The following MAP3K5 variants were observed in gnomAD, a reference collection of about 807,000 sequenced individuals.
MAP3K5 encodes mitogen-activated protein kinase kinase kinase 5.
A neutral mutation model predicts 158.7 loss-of-function variants in MAP3K5; 56 were observed. That is an observed-to-expected ratio of 0.35 (90% CI 0.28 to 0.44). The LOEUF (loss-of-function observed/expected upper bound fraction) is 0.44, where lower values mean the gene tolerates loss of function less well. Ranked by LOEUF, MAP3K5 falls within the 20% of genes least tolerant of loss-of-function variation. The probability of loss-of-function intolerance (pLI) is 1.00; values close to 1 mark genes in which losing one functional copy is unlikely to be tolerated. For missense variants in MAP3K5, 1,294 were observed against 1,674.8 expected (o/e 0.77, Z 3.97); for synonymous variants, 579 against 601.7 (o/e 0.96, Z 0.55).
At chr6:136,752,825 G>A (rs569103196) in intron 1 of MAP3K5, among the ~76,000 whole-genome samples, 1 of 152,282 alleles carries the variant, frequency 6.6e-6, no homozygotes, top group Admixed American at 6.5e-5. Context: ...CAGCGTGGCT[G>A]GGACAATGGC....
intron 7 of MAP3K5, among the ~76,000 whole-genome samples, chr6:136,676,015 T>A (rs938263250): frequency 3.9e-5 from 6 of 152,042 alleles, no homozygotes; most frequent in Admixed American, 3.9e-4. Flanking sequence ...AATGAAAAAA[T>A]TTCTTAAAAT....
At chr6:136,580,786 A>G (rs1774836004) in intron 24 of MAP3K5, among the ~76,000 whole-genome samples, 1 of 152,012 alleles carries the variant, frequency 6.6e-6, no homozygotes, top group Non-Finnish European at 1.5e-5. Context: ...ACTGTTCATT[A>G]TTTTCAATTA....
intron 7 of MAP3K5, among the ~76,000 whole-genome samples, chr6:136,686,405 A>G (rs537391182): frequency 6.6e-6 from 1 of 152,328 alleles, no homozygotes; most frequent in South Asian, 2.1e-4. Flanking sequence ...TCAACATAGT[A>G]TTGGAAGTTA....
intron 1 of MAP3K5, among the ~76,000 whole-genome samples, chr6:136,788,147 C>T (rs1267205346): frequency 1.3e-5 from 2 of 152,200 alleles, no homozygotes; most frequent in Non-Finnish European, 2.9e-5. Context: ...ACACACCTAA[C>T]ACCATCTGAT....
intron 2 of MAP3K5, among the ~76,000 whole-genome samples, chr6:136,719,443 CTT>C (rs983071815): frequency 3.3e-5 from 5 of 152,136 alleles, no homozygotes; most frequent in Admixed American, 3.3e-4. Flanking sequence ...GGGCAAATCT[CTT>C]AGAACTGTTT....
intron 7 of MAP3K5, among the ~76,000 whole-genome samples, chr6:136,675,617 T>C (rs1779672544): frequency 6.6e-6 from 1 of 152,122 alleles, no homozygotes; most frequent in South Asian, 2.1e-4. Context: ...GAAAGTCTAA[T>C]AGATAAAATG....
intron 25 of MAP3K5, 77 bp from the exon 26 acceptor site, chr6:136,567,951 C>T (rs1774193002): frequency 1.4e-6 from 2 of 1,439,710 alleles, no homozygotes; most frequent in African/African-American, 1.4e-5. Context: ...TGAATGCTAC[C>T]CTCCTGCCCC....
chr6:136,669,533 T>C, intron 7 of MAP3K5, 138 bp from the exon 8 acceptor site: 2 of 604,114 alleles, frequency 3.3e-6, no homozygotes, highest in Non-Finnish European at 2.9e-6. Context: ...TCTGGTGTGC[T>C]ATTAGGACTT....
At chr6:136,658,884 G>A (rs997879445) in intron 9 of MAP3K5, among the ~76,000 whole-genome samples, 1 of 152,236 alleles carries the variant, frequency 6.6e-6, no homozygotes, top group African/African-American at 2.4e-5. Context: ...CAGCTGCAAT[G>A]GAAATGTGGT....
At chr6:136,584,029 T>C (rs1314687158) in intron 23 of MAP3K5, among the ~76,000 whole-genome samples, 3 of 152,104 alleles carry the variant, frequency 2.0e-5, no homozygotes, top group African/African-American at 2.4e-5. Flanking sequence ...TTGAACTATA[T>C]GGCACCTCTT....
chr6:136,575,042 A>C (rs900813748), intron 25 of MAP3K5, among the ~76,000 whole-genome samples: 1 of 152,078 alleles, frequency 6.6e-6, no homozygotes, highest in African/African-American at 2.4e-5. Flanking sequence ...ATAACAGAGA[A>C]GTTGCAAAAA....
At chr6:136,734,550 G>C (rs1782373006) in intron 1 of MAP3K5, among the ~76,000 whole-genome samples, 1 of 151,478 alleles carries the variant, frequency 6.6e-6, no homozygotes, top group Non-Finnish European at 1.5e-5. Flanking sequence ...TGCTGGGTTT[G>C]AGTCTATATG....
intron 14 of MAP3K5, among the ~76,000 whole-genome samples, chr6:136,624,245 A>C (rs1482782202): frequency 2.6e-5 from 4 of 152,206 alleles, no homozygotes; most frequent in Admixed American, 2.6e-4. Context: ...CTTAACGTTA[A>C]TACTGATGAG....
intron 19 of MAP3K5, among the ~76,000 whole-genome samples, chr6:136,603,640 C>T (rs778958008): frequency 6.6e-6 from 1 of 152,160 alleles, no homozygotes; most frequent in African/African-American, 2.4e-5. Flanking sequence ...TCTAAGATAG[C>T]AACTTCCTGT....
chr6:136,574,981 G>A (rs939708508), intron 25 of MAP3K5, among the ~76,000 whole-genome samples: 2 of 151,530 alleles, frequency 1.3e-5, no homozygotes, highest in African/African-American at 2.4e-5. Context: ...GAGCCACCGC[G>A]CCCGGCCTAA....
At chr6:136,600,992 G>T (rs771494522) in intron 21 of MAP3K5, 30 bp downstream of exon 21, 4 of 1,612,866 alleles carry the variant, frequency 2.5e-6, no homozygotes, top group Non-Finnish European at 2.5e-6. Flanking sequence ...CCAGGTCTCA[G>T]CTCAATGGGC....
At position 136,564,640 on chromosome 6, in the gene MAP3K5, G is replaced by C. The variant is rs79286067; in HGVS notation, c.3762-2025C>G. Among the ~76,000 whole-genome samples the C allele has an allele frequency of 4.8e-3, 730 of 152,314 alleles. 5 individuals carry two copies. Among genetic ancestry groups the C allele is most frequent in the East Asian group, 0.041 (211 of 5,182 alleles). ...TTACTGTTTTCTCAAGGAACACAGT[G>C]ATGTTTTCTAGAGTTTAACCTATGT... On this transcript the variant is annotated intron_variant, in intron 26 of 29. Coordinates refer to ENST00000359015, the MANE Select transcript of MAP3K5 (RefSeq NM_005923.4).
Position 136,562,496 on chromosome 6 carries a change from T to A in MAP3K5, c.3874+7A>T. ...ACAGTATTACTATAAAACTTTCTGC[T>A]ATTCACCTATGGGTTGGGACTTAAG... On this transcript the variant is annotated splice_region_variant and intron_variant, in intron 27 of 29. Transcript: ENST00000359015. 1 of 1,473,708 alleles carries A rather than the reference T, an allele frequency of 6.8e-7. No homozygotes were observed. The highest frequency in any genetic ancestry group is 9.3e-7 in the Non-Finnish European group (1 of 1,079,400). The allele number at this position is 1,473,708 out of a possible 1,614,324, so 91.3% of individuals were successfully genotyped here. A position where few individuals can be genotyped will look rare whatever the true frequency, so the allele number is the denominator to read the frequency against.
chr6:136,601,878 G>A lies in MAP3K5; in HGVS notation c.2781C>T (p.Ala927=). 6.2e-7 allele frequency: 1 copy of A among 1,614,142 alleles called. No homozygotes were observed. The highest frequency in any genetic ancestry group is 8.5e-7 in the Non-Finnish European group (1 of 1,180,018). Residue 927 remains alanine (A), a synonymous_variant, in exon 20 of 30, where the codon GCC becomes GCT. Coordinates refer to ENST00000359015, the MANE Select transcript of MAP3K5 (RefSeq NM_005923.4). ...KCFEPDPDKR[A]CANDLLVDEF... The stretch of plus-strand genomic sequence containing the variant: ...CATCAACAAGCAAGTCGTTAGCACA[G>A]GCTCTCTTGTCAGGATCTGGTTCAA...
Sources: gnomAD v4.1 joint callset for allele counts (sites outside exome capture counted in the v4.1 genomes callset) on GRCh38, gnomAD v4.1.1 for gene constraint, MANE v1.5 for transcripts, NCBI Gene and HGNC (gene_info 2026-07-23, HGNC 2026-07-21) for gene names.